The following PMPCA variants were observed in gnomAD, a reference collection of about 807,000 sequenced individuals.
The protein encoded by PMPCA is peptidase, mitochondrial processing subunit alpha, also known as mitochondrial-processing peptidase subunit alpha.
PMPCA carries 47 observed loss-of-function variants against 59.3 expected under a neutral mutation model. The observed-to-expected ratio is 0.79, with a 90% CI of 0.63 to 1.01. The LOEUF (loss-of-function observed/expected upper bound fraction) is 1.01. PMPCA is among the 50% of genes least tolerant of loss of function. PMPCA has a pLI of 0.00. For synonymous variants in PMPCA, 338 were observed against 290.3 expected (o/e 1.16, Z -1.67); for missense variants, 726 against 704.5 (o/e 1.03, Z -0.34).
chr9:136,412,395 A>AT, intron 2 of PMPCA, 95 bp from the exon 3 acceptor site: 2 of 770,044 alleles, frequency 2.6e-6, no homozygotes, highest in Non-Finnish European at 4.5e-6. Context: ...ATTAAATCTG[A>AT]TTATCATGTC....
chr9:136,415,487 G>A (rs887194358), intron 5 of PMPCA, among the ~76,000 whole-genome samples: 1 of 152,232 alleles, frequency 6.6e-6, no homozygotes, highest in African/African-American at 2.4e-5. Context: ...CCTGTCAGGG[G>A]TGGACCAGGA....
chr9:136,413,021 C>G (rs1049865689), intron 4 of PMPCA, 129 bp downstream of exon 4: 1 of 686,712 alleles, frequency 1.5e-6, no homozygotes, highest in African/African-American at 1.8e-5. Context: ...GAGCCCTGTC[C>G]TGGATGGAGA....
intron 12 of PMPCA, 199 bp downstream of exon 12, chr9:136,422,175 C>G: frequency 6.6e-7 from 1 of 1,520,980 alleles, no homozygotes; most frequent in Non-Finnish European, 8.9e-7. Context: ...CTTCCCGGCC[C>G]CACCATGCAC....
At chr9:136,417,820 C>T (rs1835325893) in intron 7 of PMPCA, among the ~76,000 whole-genome samples, 197 bp from the exon 8 acceptor site, 1 of 151,576 alleles carries the variant, frequency 6.6e-6, no homozygotes, top group South Asian at 2.1e-4. Flanking sequence ...GCCACATTGC[C>T]TAGGCTGGTC....
intron 11 of PMPCA, among the ~76,000 whole-genome samples, chr9:136,421,427 T>G (rs1835447893): frequency 8.2e-6 from 1 of 121,848 alleles, no homozygotes. Context: ...TTTTTTTTTT[T>G]GAGACAGAGT....
chr9:136,422,046 T>A, intron 12 of PMPCA, 70 bp downstream of exon 12: 1 of 1,554,820 alleles, frequency 6.4e-7, no homozygotes, highest in Admixed American at 2.0e-5. Context: ...CGTCTCGCCC[T>A]CCCGCAGGCC....
Position 136,416,978 on chromosome 9 carries a change from C to T in PMPCA, c.661C>T (p.Leu221Phe). 1 of 1,611,918 alleles carries T rather than the reference C, an allele frequency of 6.2e-7. No homozygotes were observed. Among genetic ancestry groups the T allele is most frequent in the East Asian group, 2.2e-5 (1 of 44,882 alleles). ...GGCTTACAGGGAGAACACAGTTGGC[C>T]TCCACCGTTTCTGCCCCACAGAAAA... ...EAAYRENTVG[L>F]HRFCPTENVA... Residue 221 changes from leucine to phenylalanine, a missense_variant, in exon 7 of 13, where the codon CTC becomes TTC. Leu to Phe is a conservative substitution (Grantham distance 22). Transcript: ENST00000371717.
rs3841202 is a variant in PMPCA, at chr9:136,412,742, T to TAA, written c.355-60_355-59dup. 156 of 997,860 alleles carry TAA rather than the reference T, an allele frequency of 1.6e-4. 1 individual carries two copies. The highest frequency in any genetic ancestry group is 1.3e-3 in the East Asian group (52 of 41,554). The allele number at this position is 997,860 out of a possible 1,614,324, so 61.8% of individuals were successfully genotyped here. A position where few individuals can be genotyped will look rare whatever the true frequency, so the allele number is the denominator to read the frequency against. On this transcript the variant is annotated intron_variant, in intron 3 of 12. Transcript: ENST00000371717. ...GTGTGTTAAAAGCAAAAGTAGATTT[T>TAA]AAAAAAAAATTGTGTTTCAGGGATA...
Position 136,411,977 on chromosome 9 carries a change from G to T in PMPCA, c.72-20G>T. 6.6e-7 allele frequency: 1 copy of T among 1,516,058 alleles called. No individual in the cohort carries two copies. Among genetic ancestry groups the T allele is most frequent in the Admixed American group, 1.7e-5 (1 of 58,306 alleles). The allele number at this position is 1,516,058 out of a possible 1,614,324, so 93.9% of individuals were successfully genotyped here. ...TGTTGTCTCAAGCCTGTTGTAACTG[G>T]GCCGCTTTCTCTGTTTTAGGTTTGG... On this transcript the variant is annotated intron_variant, in intron 1 of 12. Transcript: ENST00000371717.
Position 136,414,640 on chromosome 9 carries a change from G to A in PMPCA, c.525G>A (p.Arg175=), listed in dbSNP as rs1370156604. ...ALLADVVLQP[R]LTDEEVEMTR... ...TGGCTGATGTGGTTCTGCAGCCCCG[G>A]CTAACAGGTGTGGATCCCAGCCGCT... Residue 175 remains arginine, a synonymous_variant, in exon 5 of 13, where the codon CGG becomes CGA. Coordinates refer to ENST00000371717, the MANE Select transcript of PMPCA (RefSeq NM_015160.3). The A allele has an allele frequency of 2.5e-6, 4 of 1,609,000 alleles. No homozygotes were observed. Among genetic ancestry groups the A allele is most frequent in the Non-Finnish European group, 3.4e-6 (4 of 1,175,356 alleles).
chr9:136,414,739 A>AC, intron 5 of PMPCA, 92 bp downstream of exon 5: 1 of 787,976 alleles, frequency 1.3e-6, no homozygotes, highest in South Asian at 1.4e-5. Flanking sequence ...GAGGGAGAGC[A>AC]CCATGTAATT....
chr9:136,421,346 C>T (rs1233513122), intron 11 of PMPCA, among the ~76,000 whole-genome samples: 2 of 151,986 alleles, frequency 1.3e-5, no homozygotes, highest in Non-Finnish European at 2.9e-5. Context: ...ACAGCCCTTC[C>T]CTAAAAAACC....
chr9:136,412,538 T>G lies in PMPCA; in HGVS notation c.323T>G (p.Ile108Ser). The change falls in exon 3 of 13, where the codon ATT becomes AGT. Residue 108 changes from isoleucine (I) to serine (S), a missense_variant. Ile to Ser is a moderately radical substitution (Grantham distance 142). Transcript: ENST00000371717. ...TATGAAGCGAAATACCTTAGTGGAA[T>G]TGCTCACTTTTTGGAAAAATTGGCA... is the stretch of plus-strand genomic sequence containing the variant. ...SRYEAKYLSG[I>S]AHFLEKLAFS... The G allele has an allele frequency of 6.2e-7, 1 of 1,602,496 alleles. No individual in the cohort carries two copies. Among genetic ancestry groups the G allele is most frequent in the South Asian group, 1.1e-5 (1 of 89,798 alleles).
chr9:136,412,028 AGTGGTG>A lies in PMPCA; in HGVS notation c.107_112del (p.Gly36_Gly37del). On this transcript the variant is annotated inframe_deletion, in exon 2 of 13. Transcript: ENST00000371717. ...ACCTCCTGCGTACAGACGGTTTAGT[AGTGGTG>A]GTGCCTATCCCAACATCCCCCTCTC... 6.2e-7 allele frequency: 1 copy of A among 1,613,068 alleles called. No individual in the cohort carries two copies. The highest frequency in any genetic ancestry group is 8.5e-7 in the Non-Finnish European group (1 of 1,179,126).
At chr9:136,418,393 G>A (rs1385761667) in intron 8 of PMPCA, among the ~76,000 whole-genome samples, 162 bp from the exon 9 acceptor site, 2 of 151,956 alleles carry the variant, frequency 1.3e-5, no homozygotes, top group African/African-American at 4.8e-5. Context: ...TCCTGACGCG[G>A]CATGGGTGGC....
intron 11 of PMPCA, chr9:136,419,770 A>T (rs1317727564): frequency 6.5e-6 from 1 of 153,210 alleles, no homozygotes; most frequent in East Asian, 2.0e-4. Flanking sequence ...TTTAGTAGAG[A>T]CGGGGTTTCG....
chr9:136,413,603 C>T (rs909356979), intron 4 of PMPCA, among the ~76,000 whole-genome samples: 2 of 152,108 alleles, frequency 1.3e-5, no homozygotes, highest in African/African-American at 2.4e-5. Context: ...TAAAACAAGG[C>T]CTCTTAATAC....
chr9:136,422,195 C>G (rs780498809), intron 12 of PMPCA: 1 of 1,502,576 alleles, frequency 6.7e-7, no homozygotes, highest in Non-Finnish European at 9.0e-7. Context: ...CCTGCTGCCT[C>G]CTTGGCAGGT....
At chr9:136,422,300 G>A (rs1180538456) in intron 12 of PMPCA, 2 of 1,246,238 alleles carry the variant, frequency 1.6e-6, no homozygotes, top group Non-Finnish European at 1.0e-6. Context: ...CTCAGTAGAG[G>A]ACTGCTACAT....
Sources: gnomAD v4.1 joint callset for allele counts (sites outside exome capture counted in the v4.1 genomes callset) on GRCh38, gnomAD v4.1.1 for gene constraint, MANE v1.5 for transcripts, NCBI Gene and HGNC (gene_info 2026-07-23, HGNC 2026-07-21) for gene names.